Variants in RABL2B observed in about 807,000 individuals in gnomAD.
RABL2B encodes the protein rab-like protein 2B.
RABL2B carries 17 observed loss-of-function variants against 26.7 expected under a neutral mutation model. That is an observed-to-expected ratio of 0.64 (90% CI 0.44 to 0.95). RABL2B has a LOEUF of 0.95. RABL2B is among the 40% of genes least tolerant of loss of function. The probability of loss-of-function intolerance (pLI) is 0.00; values close to 1 mark genes in which losing one functional copy is unlikely to be tolerated. For synonymous variants in RABL2B, 70 were observed against 103.9 expected, an observed-to-expected ratio of 0.67 and a Z score of 1.99; for missense variants, 170 against 277.2, an observed-to-expected ratio of 0.61 and a Z score of 2.75.
At chr22:50,777,457 C>G (rs557192876) in intron 3 of RABL2B, among the ~76,000 whole-genome samples, 8 of 143,304 alleles carry the variant, frequency 5.6e-5, no homozygotes, top group Admixed American at 2.1e-4. Context: ...ACTTGGGAAG[C>G]TGTTTAAAAA....
At chr22:50,770,222 A>T in intron 5 of RABL2B, 3 of 617,804 alleles carry the variant, frequency 4.9e-6, no homozygotes, top group Non-Finnish European at 5.4e-6. Flanking sequence ...TGTTTTTAAA[A>T]ATCTTATTCT....
chr22:50,781,781 G>A (rs577066359), intron 2 of RABL2B, among the ~76,000 whole-genome samples: 3,133 of 151,494 alleles, frequency 0.021, 94 homozygotes, highest in African/African-American at 0.072. Context: ...TCAATCGTCA[G>A]TTCTACCCAG....
chr22:50,780,646 T>A (rs1276958943), intron 2 of RABL2B: 24 of 470,218 alleles, frequency 5.1e-5, no homozygotes, highest in African/African-American at 4.4e-4. Flanking sequence ...ACCATGGTCT[T>A]TGTATCTGGG....
intron 5 of RABL2B, among the ~76,000 whole-genome samples, chr22:50,774,258 T>C (rs868948134): frequency 2.0e-5 from 3 of 152,046 alleles, no homozygotes; most frequent in Non-Finnish European, 4.4e-5. Context: ...TGTGTTCTTT[T>C]AACCATATGA....
chr22:50,782,424 A>G, intron 1 of RABL2B, 77 bp from the exon 2 acceptor site: 1 of 1,530,848 alleles, frequency 6.5e-7, no homozygotes, highest in Non-Finnish European at 8.9e-7. Flanking sequence ...ACCTCCCTCC[A>G]GACTGCTTCC....
chr22:50,782,527 A>C (rs1555930790), intron 1 of RABL2B, among the ~76,000 whole-genome samples, 180 bp from the exon 2 acceptor site: 1 of 152,218 alleles, frequency 6.6e-6, no homozygotes, highest in Non-Finnish European at 1.5e-5. Context: ...GTTATACACA[A>C]ATAGTTAAGT....
At chr22:50,770,273 T>A in intron 5 of RABL2B, 2 of 490,256 alleles carry the variant, frequency 4.1e-6, no homozygotes, top group Non-Finnish European at 6.9e-6. Flanking sequence ...CCCAGCACTT[T>A]GGGAGGTTGA....
chr22:50,777,292 A>G (rs770518368), intron 3 of RABL2B, among the ~76,000 whole-genome samples: 4 of 152,030 alleles, frequency 2.6e-5, no homozygotes, highest in Non-Finnish European at 1.5e-5. Flanking sequence ...AGCAGAGCCA[A>G]ATGACGCAGG....
intron 2 of RABL2B, among the ~76,000 whole-genome samples, chr22:50,778,262 C>T (rs1555925937): frequency 6.7e-6 from 1 of 149,624 alleles, no homozygotes; most frequent in Non-Finnish European, 1.5e-5. Context: ...CATGCAATTA[C>T]CCTTGTGTTA....
At position 50,768,404 on chromosome 22, in the gene RABL2B, G is replaced by A. The variant is rs139027633; in HGVS notation, c.*372C>T. ...AGGAATTGTCCCCGAGGTGAGCTTT[G>A]GAAAGAAAACAAAAACAAAAACAAA... On this transcript the variant is annotated 3_prime_UTR_variant, in exon 9 of 9. Transcript: ENST00000691320. 9.8e-4 allele frequency: 312 copies of A among 317,872 alleles called. 5 individuals are homozygous for A. In the East Asian group the frequency reaches 0.025, roughly 25 times the overall value. The allele number at this position is 317,872 out of a possible 1,614,324, so 19.7% of individuals were successfully genotyped here. A position where few individuals can be genotyped will look rare whatever the true frequency, so the allele number is the denominator to read the frequency against.
chr22:50,780,504 T>C (rs1489520761), intron 2 of RABL2B: 1 of 354,466 alleles, frequency 2.8e-6, no homozygotes, highest in Admixed American at 4.2e-5. Flanking sequence ...AACCTCTTAA[T>C]GGGTGTTTTA....
chr22:50,777,925 A>C (rs1195911248), intron 3 of RABL2B, 27 bp downstream of exon 3: 5 of 1,614,050 alleles, frequency 3.1e-6, no homozygotes, highest in African/African-American at 1.3e-5. Flanking sequence ...CACAGGAACA[A>C]GGGGTACTTC....
intron 3 of RABL2B, 66 bp downstream of exon 3, chr22:50,777,886 G>A (rs2085226629): frequency 4.3e-6 from 7 of 1,612,016 alleles, no homozygotes; most frequent in East Asian, 2.2e-5. Flanking sequence ...GTGGGCAGTG[G>A]GACACTGATA....
Position 50,782,398 on chromosome 22 carries a change from C to T in RABL2B, c.-53-51G>A. The T allele has an allele frequency of 4.7e-6, 7 of 1,484,138 alleles. 1 individual carries two copies. The South Asian group carries it at 8.7e-5, about 18-fold the overall frequency. 91.9% of individuals were successfully genotyped at this position (1,484,138 alleles called of 1,614,324 possible). On this transcript the variant is annotated intron_variant, in intron 1 of 8. Coordinates refer to ENST00000691320, the MANE Select transcript of RABL2B (RefSeq NM_001130919.3). ...TGTTGTCAGAGATAAGTCCCCTCAA[C>T]CAAATCTCCAGCTGTACCTCCCTCC...
chr22:50,780,027 G>T (rs1403319324), intron 2 of RABL2B, among the ~76,000 whole-genome samples: 1 of 152,072 alleles, frequency 6.6e-6, no homozygotes, highest in Non-Finnish European at 1.5e-5. Context: ...ATGATCACCT[G>T]GGGTCAAAAG....
intron 2 of RABL2B, chr22:50,780,861 G>A (rs575935089): frequency 4.3e-4 from 162 of 380,786 alleles, no homozygotes; most frequent in South Asian, 3.3e-3. Context: ...TTCTCCGAAA[G>A]TTCTGTTTGT....
chr22:50,773,032 G>A (rs1219340590), intron 5 of RABL2B: 3 of 1,233,894 alleles, frequency 2.4e-6, no homozygotes, highest in Non-Finnish European at 3.2e-6. Context: ...AGGCATGGTG[G>A]CAGGAGAGAC....
intron 5 of RABL2B, chr22:50,772,429 G>T: frequency 1.0e-6 from 1 of 985,894 alleles, no homozygotes; most frequent in Non-Finnish European, 1.2e-6. Flanking sequence ...GCTACAGTGA[G>T]CCTTCATGCC....
chr22:50,781,067 G>C (rs573566751), intron 2 of RABL2B, among the ~76,000 whole-genome samples: 1 of 152,076 alleles, frequency 6.6e-6, no homozygotes, highest in Non-Finnish European at 1.5e-5. Flanking sequence ...GAGGCCGGGC[G>C]CGGTGGCTCA....
Sources: gnomAD v4.1 joint callset for allele counts (sites outside exome capture counted in the v4.1 genomes callset) on GRCh38, gnomAD v4.1.1 for gene constraint, MANE v1.5 for transcripts, NCBI Gene and HGNC (gene_info 2026-07-23, HGNC 2026-07-21) for gene names.